Variants in TMPRSS9 observed in about 807,000 individuals in gnomAD.
The protein encoded by TMPRSS9 is transmembrane protease serine 9.
In TMPRSS9, 113 loss-of-function variants were observed where a neutral mutation model predicts 111.4. The observed-to-expected ratio is 1.01, with a 90% CI of 0.87 to 1.19. The LOEUF (loss-of-function observed/expected upper bound fraction) is 1.19. Ranked by LOEUF, TMPRSS9 falls within the 50% of genes most tolerant of loss-of-function variation. TMPRSS9 has a pLI of 0.00. For missense variants in TMPRSS9, 1,803 were observed against 1,513.1 expected, an observed-to-expected ratio of 1.19 and a Z score of -3.18; for synonymous variants, 805 against 659.1, an observed-to-expected ratio of 1.22 and a Z score of -3.39.
intron 1 of TMPRSS9, among the ~76,000 whole-genome samples, chr19:2,379,619 T>TTCTTTCTTTCTTTCTA (rs1323836510): frequency 0.018 from 1,916 of 106,738 alleles, 75 homozygotes; most frequent in African/African-American, 0.069. Context: ...TTCTTTCTCT[T>TTCTTTCTTTCTTTCTA]TCTTTCTTTC....
intron 7 of TMPRSS9, among the ~76,000 whole-genome samples, chr19:2,407,458 T>G (rs1267481839): frequency 2.0e-5 from 3 of 150,950 alleles, no homozygotes; most frequent in Non-Finnish European, 4.4e-5. Flanking sequence ...ACCCGGGAGG[T>G]GGAAGTTGCA....
chr19:2,372,665 A>G (rs1190682541), intron 1 of TMPRSS9, among the ~76,000 whole-genome samples: 1 of 152,172 alleles, frequency 6.6e-6, no homozygotes, highest in Non-Finnish European at 1.5e-5. Context: ...TCTGAGTGAT[A>G]AGAGAAAGAT....
intron 13 of TMPRSS9, among the ~76,000 whole-genome samples, chr19:2,419,210 GTTTC>G (rs1446808103): frequency 8.2e-6 from 1 of 122,024 alleles, no homozygotes; most frequent in Admixed American, 1.1e-4. Context: ...CTTTCTCTCT[GTTTC>G]TTTCTTTCTG....
chr19:2,410,509 AC>A, intron 9 of TMPRSS9, 115 bp downstream of exon 10: 1 of 1,399,990 alleles, frequency 7.1e-7, no homozygotes, highest in Non-Finnish European at 9.6e-7. Flanking sequence ...AACGCCCCAG[AC>A]CCCAGAAAAA....
At chr19:2,392,398 AAAAAAG>A (rs759006639) in intron 1 of TMPRSS9, among the ~76,000 whole-genome samples, 9 of 151,674 alleles carry the variant, frequency 5.9e-5, no homozygotes, top group Non-Finnish European at 8.8e-5. Context: ...GATAAAAAAT[AAAAAAG>A]AAAAAGAAAA....
At chr19:2,419,906 A>C (rs1281195454) in intron 13 of TMPRSS9, among the ~76,000 whole-genome samples, 1 of 152,158 alleles carries the variant, frequency 6.6e-6, no homozygotes, top group Non-Finnish European at 1.5e-5. Flanking sequence ...TCATGCCTGT[A>C]ATTCCAGTGC....
chr19:2,423,732 G>GGGC (rs1971522662), intron 14 of TMPRSS9, among the ~76,000 whole-genome samples: 2 of 152,144 alleles, frequency 1.3e-5, no homozygotes, highest in South Asian at 4.1e-4. Context: ...CACCAAGGCA[G>GGGC]GGCTGGGGCC....
Position 2,416,481 on chromosome 19 carries a change from C to T in TMPRSS9, c.1746-57C>T, listed in dbSNP as rs769296328. The T allele has an allele frequency of 1.2e-4, 187 of 1,557,126 alleles. 1 individual carries two copies. Among genetic ancestry groups the T allele is most frequent in the Admixed American group, 2.6e-4 (15 of 57,752 alleles). On this transcript the variant is annotated intron_variant, in intron 11 of 17. Coordinates refer to ENST00000648592, the Ensembl canonical transcript of TMPRSS9. ...GGGTGTGCATCAGCCCTGTCCCTCC[C>T]CAAGAAGGCGGGCATGTGCTGGAGG...
rs549129786 is a variant in TMPRSS9 at position 2,399,018 on chromosome 19, G to A, written c.339G>A (p.Arg113=). ...AAGGGCCTCTCCTCCATACCTGTAG[G>A]GATGGGAACTCCAGTGTCCTCGTAC... Residue 113 remains arginine, a splice_region_variant and synonymous_variant, in exon 4 of 18, where the codon AGG becomes AGA. Coordinates refer to ENST00000648592, the Ensembl canonical transcript of TMPRSS9. The A allele has an allele frequency of 7.6e-5, 123 of 1,610,278 alleles. 1 individual carries two copies. The East Asian group carries it at 2.7e-3, about 35-fold the overall frequency.
intron 1 of TMPRSS9, among the ~76,000 whole-genome samples, chr19:2,378,235 A>G (rs891081181): frequency 6.6e-6 from 1 of 152,128 alleles, no homozygotes; most frequent in Non-Finnish European, 1.5e-5. Context: ...CAGGACAAAA[A>G]TAGACTCAGA....
rs201714688 is a variant in TMPRSS9, at chr19:2,418,126, C to T, written c.2142C>T (p.Val714=). The change falls in exon 13 of 18, where the codon GTC becomes GTT. Residue 714 remains valine (V), a synonymous_variant. Coordinates refer to ENST00000648592, the Ensembl canonical transcript of TMPRSS9. ...GCGCAGGCTTCCTGGAAGGCAAAGT[C>T]GACTCCTGCCAGGTAAGCATTCAAA... 310 of 1,611,774 alleles carry T rather than the reference C, an allele frequency of 1.9e-4. 1 individual carries two copies. The highest frequency in any genetic ancestry group is 2.5e-4 in the Non-Finnish European group (290 of 1,179,434).
intron 1 of TMPRSS9, among the ~76,000 whole-genome samples, chr19:2,373,795 C>T (rs759476614): frequency 1.3e-5 from 2 of 152,352 alleles, no homozygotes; most frequent in South Asian, 2.1e-4. Context: ...CCACAGTGCC[C>T]GGCCAACTTT....
intron 1 of TMPRSS9, among the ~76,000 whole-genome samples, chr19:2,393,240 G>A (rs1379754967): frequency 6.6e-6 from 1 of 152,110 alleles, no homozygotes; most frequent in East Asian, 1.9e-4. Context: ...CGTTGGGTGT[G>A]AGATGCTTTT....
intron 10 of TMPRSS9, 81 bp from the exon 12 acceptor site, chr19:2,415,589 G>C: frequency 7.6e-7 from 1 of 1,308,720 alleles, no homozygotes; most frequent in Non-Finnish European, 1.0e-6. Context: ...GGCTGCAACC[G>C]GTGTCCTGGG....
chr19:2,396,258 G>C (rs1281808255), intron 1 of TMPRSS9: 3 of 337,264 alleles, frequency 8.9e-6, no homozygotes, highest in African/African-American at 6.4e-5. Context: ...GGGGGCATCT[G>C]GGGCTCACTT....
At chr19:2,401,091 G>C (rs548360895) in intron 4 of TMPRSS9, among the ~76,000 whole-genome samples, 1 of 150,722 alleles carries the variant, frequency 6.6e-6, no homozygotes, top group Non-Finnish European at 1.5e-5. Flanking sequence ...TGGCTAACAC[G>C]GTGAAACCCC....
chr19:2,425,111 C>T (rs781706207), exon 16 of TMPRSS9: 91 of 1,583,532 alleles, frequency 5.7e-5, no homozygotes, highest in Non-Finnish European at 7.5e-5. Context: ...GTTCTACAAT[C>T]TCTACACGCT....
At chr19:2,395,918 G>A (rs1970696682) in intron 1 of TMPRSS9, among the ~76,000 whole-genome samples, 1 of 152,180 alleles carries the variant, frequency 6.6e-6, no homozygotes, top group African/African-American at 2.4e-5. Context: ...TGAGGCAGGA[G>A]AATGGCATGA....
intron 1 of TMPRSS9, among the ~76,000 whole-genome samples, chr19:2,361,461 C>T (rs1267056324): frequency 6.6e-6 from 1 of 151,866 alleles, no homozygotes; most frequent in Non-Finnish European, 1.5e-5. Context: ...CCCTCGGAGC[C>T]GCTTCTGAGT....
Sources: allele counts gnomAD v4.1 joint callset (sites outside exome capture counted in the v4.1 genomes callset), GRCh38; gene constraint gnomAD v4.1.1; transcripts MANE v1.5; gene names NCBI Gene and HGNC (gene_info 2026-07-23, HGNC 2026-07-21).